Variants in ARHGEF33 observed in about 807,000 individuals in gnomAD.
The protein encoded by ARHGEF33 is Rho guanine nucleotide exchange factor 33.
ARHGEF33 carries 72 observed loss-of-function variants against 101.9 expected under a neutral mutation model. The ratio of observed to expected loss-of-function variants is 0.71; its 90% CI spans 0.58 to 0.86. ARHGEF33 has a LOEUF of 0.86. Among genes scored for constraint, ARHGEF33 ranks in the 40% least tolerant of loss-of-function variants. The pLI is 0.00. For synonymous variants in ARHGEF33, 499 were observed against 442.5 expected, an observed-to-expected ratio of 1.13 and a Z score of -1.60; for missense variants, 1,169 against 1,111.3, an observed-to-expected ratio of 1.05 and a Z score of -0.74.
chr2:38,921,508 C>A, intron 4 of ARHGEF33, 85 bp downstream of exon 4: 1 of 921,950 alleles, frequency 1.1e-6, no homozygotes, highest in South Asian at 1.4e-5. Flanking sequence ...TTTTAGCACT[C>A]ACAAGTGCTT....
intron 13 of ARHGEF33, among the ~76,000 whole-genome samples, chr2:38,955,117 G>C (rs1003430560): frequency 2.6e-5 from 4 of 152,104 alleles, no homozygotes; most frequent in Admixed American, 1.3e-4. Context: ...GCCACCACCT[G>C]ACATCTAAAT....
chr2:38,942,449 C>T (rs556046283), intron 9 of ARHGEF33, among the ~76,000 whole-genome samples: 18 of 147,062 alleles, frequency 1.2e-4, no homozygotes, highest in African/African-American at 4.0e-4. Context: ...CGTGAGCCAC[C>T]ACGCCCAGCC....
At chr2:38,948,392 C>T (rs1667506381) in intron 10 of ARHGEF33, among the ~76,000 whole-genome samples, 1 of 152,220 alleles carries the variant, frequency 6.6e-6, no homozygotes, top group South Asian at 2.1e-4. Flanking sequence ...AGGCCTTAGC[C>T]TTCTCCAACC....
At chr2:38,971,751 G>T in intron 17 of ARHGEF33, 1 of 701,538 alleles carries the variant, frequency 1.4e-6, no homozygotes, top group South Asian at 1.5e-5. Context: ...GAAATGCAGA[G>T]AAATTCAGAC....
chr2:38,960,316 C>T lies in ARHGEF33; in HGVS notation c.2011C>T (p.His671Tyr), dbSNP rs1469943395. The T allele has an allele frequency of 3.9e-6, 6 of 1,542,836 alleles. No individual in the cohort carries two copies. The highest frequency in any genetic ancestry group is 3.6e-5 in the South Asian group (3 of 83,834). Reference sequence around the variant, plus strand: ...CGCCATGGAGGCCGAGCGGCCGGAGCACCCGCTGCAGCCGCTGCCCAAGAG... The same window carrying T: ...CGCCATGGAGGCCGAGCGGCCGGAGTACCCGCTGCAGCCGCTGCCCAAGAG... ...SFAMEAERPE[H>Y]PLQPLPKSAT... The change falls in exon 16 of 18, where the codon CAC (histidine) becomes TAC (tyrosine). Residue 671 changes from histidine (H) to tyrosine (Y), a missense_variant. By Grantham distance (83) the His-to-Tyr change is moderately conservative (BLOSUM62 2). Transcript: ENST00000409978.
chr2:38,894,353 T>C (rs1428694466), intron 1 of ARHGEF33, among the ~76,000 whole-genome samples: 2 of 151,926 alleles, frequency 1.3e-5, no homozygotes, highest in African/African-American at 4.8e-5. Flanking sequence ...AATGTTGCTT[T>C]TGGGCTCTGG....
At chr2:38,964,117 T>C (rs1668004023) in intron 16 of ARHGEF33, among the ~76,000 whole-genome samples, 1 of 152,120 alleles carries the variant, frequency 6.6e-6, no homozygotes, top group Non-Finnish European at 1.5e-5. Flanking sequence ...TTATGTCCAA[T>C]CTACTCTGTA....
intron 17 of ARHGEF33, among the ~76,000 whole-genome samples, chr2:38,970,793 A>G (rs951236711): frequency 2.6e-5 from 4 of 152,196 alleles, no homozygotes. Flanking sequence ...TGGGCTCTCC[A>G]AACTCATGTT....
chr2:38,911,155 A>G lies in ARHGEF33; in HGVS notation c.-85-8208A>G, dbSNP rs561120735. Among the ~76,000 whole-genome samples, 14 of 152,318 alleles carry G rather than the reference A, an allele frequency of 9.2e-5. No homozygotes were observed. The South Asian group carries it at 1.2e-3, about 14-fold the overall frequency. ...TGCTTTTAGGCTCTATAGAAAAAAA[A>G]AGCAAATAGCCCTTTTCATAATGTT... On this transcript the variant is annotated intron_variant, in intron 2 of 17. Coordinates refer to ENST00000409978, the MANE Select transcript of ARHGEF33 (RefSeq NM_001145451.5).
At chr2:38,945,550 ACC>A (rs1322597258) in intron 10 of ARHGEF33, among the ~76,000 whole-genome samples, 8 of 151,792 alleles carry the variant, frequency 5.3e-5, no homozygotes, top group Admixed American at 5.2e-4. Context: ...CCCCTCCTTG[ACC>A]CTCCCAGCTG....
chr2:38,928,936 T>C lies in ARHGEF33; in HGVS notation c.105T>C (p.Thr35=). ...QLQALASELK[T]GFTEAMQELS... is the part of the protein sequence containing the mutation. ...AGGCCCTAGCCTCCGAACTCAAAAC[T>C]GGTTTCACAGAAGCAATGCAAGAAC... is the stretch of plus-strand genomic sequence containing the variant. Residue 35 remains threonine (T), a synonymous_variant, in exon 5 of 18, where the codon ACT becomes ACC. Transcript: ENST00000409978. 6.4e-7 allele frequency: 1 copy of C among 1,550,540 alleles called. No individual in the cohort carries two copies. The highest frequency in any genetic ancestry group is 2.4e-5 in the East Asian group (1 of 40,870).
At chr2:38,923,089 A>G (rs1666796508) in intron 4 of ARHGEF33, among the ~76,000 whole-genome samples, 1 of 152,068 alleles carries the variant, frequency 6.6e-6, no homozygotes, top group Non-Finnish European at 1.5e-5. Flanking sequence ...TATGTAGGTC[A>G]CTCCCTGAAT....
chr2:38,918,274 C>T (rs1666678863), intron 2 of ARHGEF33, among the ~76,000 whole-genome samples: 1 of 152,224 alleles, frequency 6.6e-6, no homozygotes, highest in Non-Finnish European at 1.5e-5. Context: ...CCACTGCTGT[C>T]TTAGAAGGTA....
chr2:38,956,965 C>T lies in ARHGEF33; in HGVS notation c.1288C>T (p.Leu430Phe), dbSNP rs1238557267. The T allele has an allele frequency of 6.4e-6, 10 of 1,552,202 alleles. No homozygotes were observed. In the East Asian group the frequency reaches 2.2e-4, roughly 34 times the overall value. The change falls in exon 14 of 18, where the codon CTC becomes TTC. Residue 430 changes from leucine (L) to phenylalanine (F), a missense_variant. Coordinates refer to ENST00000409978, the MANE Select transcript of ARHGEF33 (RefSeq NM_001145451.5). ...YYLLLVCVQR[L>F]RVFISHYTLL... ...TCTACTACTGGTGTGTGTCCAGCGC[C>T]TCCGAGTATTTATCTCACACTACAC...
At chr2:38,925,979 G>A (rs1225049047) in intron 4 of ARHGEF33, among the ~76,000 whole-genome samples, 1 of 152,110 alleles carries the variant, frequency 6.6e-6, no homozygotes, top group African/African-American at 2.4e-5. Flanking sequence ...GGAAGACACT[G>A]ACTAAAATTC....
intron 10 of ARHGEF33, among the ~76,000 whole-genome samples, chr2:38,946,181 G>C (rs961875874): frequency 3.3e-5 from 5 of 152,284 alleles, no homozygotes; most frequent in Admixed American, 1.3e-4. Flanking sequence ...GAGGTCATAG[G>C]GGAGAGACCA....
intron 7 of ARHGEF33, among the ~76,000 whole-genome samples, chr2:38,935,283 C>T (rs1382292468): frequency 2.6e-5 from 4 of 150,950 alleles, no homozygotes; most frequent in Admixed American, 2.0e-4. Flanking sequence ...TGGGTTCAAG[C>T]GATCCTCCTA....
chr2:38,897,967 A>C (rs763342800), intron 2 of ARHGEF33, among the ~76,000 whole-genome samples: 1 of 152,228 alleles, frequency 6.6e-6, no homozygotes, highest in Non-Finnish European at 1.5e-5. Flanking sequence ...ATGAGTCTCC[A>C]GAGCTGGGCA....
intron 2 of ARHGEF33, among the ~76,000 whole-genome samples, chr2:38,898,949 G>C (rs1195689329): frequency 2.0e-5 from 3 of 152,190 alleles, no homozygotes; most frequent in Non-Finnish European, 4.4e-5. Flanking sequence ...TGTTTAAATA[G>C]TGAGCTTTGT....
Sources: gnomAD v4.1 joint callset for allele counts (sites outside exome capture counted in the v4.1 genomes callset) on GRCh38, gnomAD v4.1.1 for gene constraint, MANE v1.5 for transcripts, NCBI Gene and HGNC (gene_info 2026-07-23, HGNC 2026-07-21) for gene names.